The following MPP4 variants were observed in gnomAD, a reference collection of about 807,000 sequenced individuals.
MPP4 encodes the protein MAGUK p55 scaffold protein 4, also known as MAGUK p55 subfamily member 4.
MPP4 carries 91 observed loss-of-function variants against 98.3 expected under a neutral mutation model. The ratio of observed to expected loss-of-function variants is 0.93; its 90% CI spans 0.78 to 1.10. The LOEUF is 1.10. Among genes scored for constraint, MPP4 ranks in the 50% least tolerant of loss-of-function variants. The pLI, the probability that MPP4 is intolerant of heterozygous loss-of-function variation, is 0.00. For synonymous variants in MPP4, 261 were observed against 271.8 expected (o/e 0.96, Z 0.39); for missense variants, 744 against 792.9 (o/e 0.94, Z 0.74).
intron 21 of MPP4, among the ~76,000 whole-genome samples, chr2:201,647,156 A>G (rs1286850844): frequency 1.3e-5 from 2 of 152,222 alleles, no homozygotes; most frequent in Non-Finnish European, 2.9e-5. Context: ...GGATGAGATC[A>G]CTGATTAATT....
At chr2:201,647,044 T>G (rs1194964513) in intron 21 of MPP4, among the ~76,000 whole-genome samples, 1 of 152,220 alleles carries the variant, frequency 6.6e-6, no homozygotes, top group Non-Finnish European at 1.5e-5. Context: ...CATTAAACTG[T>G]ACACTCTGTA....
At chr2:201,669,877 T>G (rs1463087908) in intron 11 of MPP4, 127 bp from the exon 12 acceptor site, 1 of 662,240 alleles carries the variant, frequency 1.5e-6, no homozygotes, top group Non-Finnish European at 2.2e-6. Flanking sequence ...TATTCTGGGT[T>G]TATTCTCTAG....
chr2:201,669,649 T>C (rs1040925131), intron 12 of MPP4, 84 bp downstream of exon 12: 8 of 940,116 alleles, frequency 8.5e-6, no homozygotes, highest in Non-Finnish European at 8.8e-6. Context: ...ATAGCTGAAC[T>C]GAATTAAAGT....
In MPP4 at chr2:201,687,379, A is replaced by T; in HGVS notation, c.280-8T>A. 6.4e-7 allele frequency: 1 copy of T among 1,562,624 alleles called. No homozygotes were observed. The highest frequency in any genetic ancestry group is 1.4e-5 in the African/African-American group (1 of 73,682). On this transcript the variant is annotated splice_polypyrimidine_tract_variant and splice_region_variant and intron_variant, in intron 4 of 21. Coordinates refer to ENST00000409474, the MANE Select transcript of MPP4 (RefSeq NM_033066.3). ...ACGTAATAACTCCACTACCTGGTTCATGGAAAAGGATACATTATAAAAATT... is the reference window on the plus strand; with the variant it reads ...ACGTAATAACTCCACTACCTGGTTCTTGGAAAAGGATACATTATAAAAATT...
At chr2:201,682,648 G>A (rs1043134088) in intron 8 of MPP4, among the ~76,000 whole-genome samples, 183 bp downstream of exon 8, 17 of 152,134 alleles carry the variant, frequency 1.1e-4, no homozygotes, top group African/African-American at 4.1e-4. Flanking sequence ...ACTTCTCGGG[G>A]TAGAGGAGGG....
chr2:201,686,545 T>C (rs1688841780), intron 5 of MPP4, among the ~76,000 whole-genome samples: 1 of 152,210 alleles, frequency 6.6e-6, no homozygotes, highest in African/African-American at 2.4e-5. Context: ...TCATAGGGTA[T>C]GATCATAGGG....
intron 12 of MPP4, among the ~76,000 whole-genome samples, chr2:201,669,033 G>A (rs1164534071): frequency 1.3e-5 from 2 of 151,912 alleles, no homozygotes; most frequent in African/African-American, 4.8e-5. Flanking sequence ...ACTGTGGTTG[G>A]TGGCTAAGGG....
chr2:201,651,935 G>A, intron 18 of MPP4: 1 of 750,626 alleles, frequency 1.3e-6, no homozygotes, highest in Non-Finnish European at 1.6e-6. Flanking sequence ...CCTGGGCAAT[G>A]CAGTGAGACT....
intron 16 of MPP4, among the ~76,000 whole-genome samples, chr2:201,658,201 T>C (rs1286025883): frequency 1.3e-5 from 2 of 152,098 alleles, no homozygotes. Flanking sequence ...CTCTTTAGCA[T>C]AAGATAAATA....
chr2:201,686,161 C>T (rs1574633802), intron 5 of MPP4, 111 bp from the exon 6 acceptor site: 1 of 1,250,180 alleles, frequency 8.0e-7, no homozygotes. Context: ...AACACCAATA[C>T]AGACATGCCA....
Position 201,647,727 on chromosome 2 carries a change from C to G in MPP4, c.1683G>C (p.Lys561Asn). 6.2e-7 allele frequency: 1 copy of G among 1,613,938 alleles called. No homozygotes were observed. The highest frequency in any genetic ancestry group is 8.5e-7 in the Non-Finnish European group (1 of 1,179,846). The stretch of plus-strand genomic sequence containing the variant: ...TGTCCACATAGTAGTCAGTAATAAC[C>G]TTGGCATTTTTCCGAGATTGTTTCA... ...RCMKQSRKNA[K>N]VITDYYVDMK... is the part of the protein sequence containing the mutation. The change falls in exon 21 of 22, where the codon AAG becomes AAC. Residue 561 changes from lysine to asparagine, a missense_variant. By Grantham distance (94) the Lys-to-Asn change is moderately conservative. Coordinates refer to ENST00000409474, the MANE Select transcript of MPP4 (RefSeq NM_033066.3).
At chr2:201,657,590 G>GTGTTTTTTTT (rs1687884380) in intron 16 of MPP4, among the ~76,000 whole-genome samples, 2 of 91,122 alleles carry the variant, frequency 2.2e-5, no homozygotes, top group Admixed American at 2.5e-4. Context: ...CCTGGCCCTT[G>GTGTTTTTTTT]TTTTTTTTTT....
chr2:201,675,493 G>T (rs1272884396), intron 10 of MPP4, among the ~76,000 whole-genome samples: 2 of 152,180 alleles, frequency 1.3e-5, no homozygotes, highest in African/African-American at 4.8e-5. Context: ...GATCTTTTCA[G>T]AACAACAAAG....
chr2:201,671,481 T>G (rs1688342095), intron 11 of MPP4, among the ~76,000 whole-genome samples: 1 of 152,088 alleles, frequency 6.6e-6, no homozygotes, highest in African/African-American at 2.4e-5. Context: ...TCAGGACCCA[T>G]CGGTGTGCTG....
chr2:201,666,144 C>T (rs936345333), intron 13 of MPP4, 190 bp downstream of exon 13: 2 of 485,138 alleles, frequency 4.1e-6, no homozygotes, highest in Non-Finnish European at 7.4e-6. Context: ...TCAGTGGGAA[C>T]CTGGAGACAT....
intron 10 of MPP4, among the ~76,000 whole-genome samples, chr2:201,678,793 G>A (rs2105936325): frequency 6.6e-6 from 1 of 152,154 alleles, no homozygotes; most frequent in Middle Eastern, 3.4e-3. Context: ...GGAGCCCCCA[G>A]CTTTGAACAT....
chr2:201,695,697 T>C (rs557079997), intron 1 of MPP4, among the ~76,000 whole-genome samples: 1 of 152,246 alleles, frequency 6.6e-6, no homozygotes, highest in East Asian at 1.9e-4. Context: ...ATACCCTCAC[T>C]CTCTTGGCCC....
At chr2:201,671,763 G>T (rs1197340978) in intron 11 of MPP4, among the ~76,000 whole-genome samples, 1 of 152,118 alleles carries the variant, frequency 6.6e-6, no homozygotes, top group South Asian at 2.1e-4. Context: ...AGTTCTTAGA[G>T]ACCTACAAAG....
chr2:201,672,203 A>G (rs926910418), intron 11 of MPP4, among the ~76,000 whole-genome samples: 37 of 152,242 alleles, frequency 2.4e-4, no homozygotes, highest in African/African-American at 8.7e-4. Context: ...AGCAATGAGA[A>G]CAAAGACACA....
Sources: gnomAD v4.1 joint callset for allele counts (sites outside exome capture counted in the v4.1 genomes callset) on GRCh38, gnomAD v4.1.1 for gene constraint, MANE v1.5 for transcripts, NCBI Gene and HGNC (gene_info 2026-07-23, HGNC 2026-07-21) for gene names.